The following PIK3CB variants were observed in gnomAD, a reference collection of about 807,000 sequenced individuals.
The protein encoded by PIK3CB is phosphatidylinositol-4,5-bisphosphate 3-kinase catalytic subunit beta.
PIK3CB carries 39 observed loss-of-function variants against 136.8 expected under a neutral mutation model. The observed-to-expected ratio is 0.29, with a 90% confidence interval of 0.22 to 0.37. PIK3CB has a LOEUF of 0.37. Ranked by LOEUF, PIK3CB falls within the 10% of genes least tolerant of loss-of-function variation. The pLI, the probability that PIK3CB is intolerant of heterozygous loss-of-function variation, is 1.00. For missense variants in PIK3CB, 868 were observed against 1,275.4 expected (o/e 0.68, Z 4.87); for synonymous variants, 428 against 436.6 (o/e 0.98, Z 0.25).
At chr3:138,833,015 AAAC>A (rs1163407996) in intron 1 of PIK3CB, among the ~76,000 whole-genome samples, 4 of 151,790 alleles carry the variant, frequency 2.6e-5, no homozygotes, top group Middle Eastern at 3.4e-3. Context: ...CTGCCTCAAA[AAAC>A]AACAATAATT....
chr3:138,669,616 T>A, intron 19 of PIK3CB, among the ~76,000 whole-genome samples: 1 of 152,146 alleles, frequency 6.6e-6, no homozygotes, highest in Non-Finnish European at 1.5e-5. Context: ...GCTTATTACT[T>A]CTTCACCAAA....
At chr3:138,814,248 C>T (rs143501054) in intron 1 of PIK3CB, among the ~76,000 whole-genome samples, 73 of 152,070 alleles carry the variant, frequency 4.8e-4, no homozygotes, top group African/African-American at 1.5e-3. Flanking sequence ...GAGGCCCAGG[C>T]GGGAGGATCA....
intron 8 of PIK3CB, among the ~76,000 whole-genome samples, chr3:138,719,343 T>A (rs145514083): frequency 7.0e-6 from 1 of 143,396 alleles, no homozygotes; most frequent in East Asian, 2.2e-4. Flanking sequence ...TCTCCCGGGT[T>A]CAAGTGATCC....
At chr3:138,736,242 C>G (rs2045100606) in intron 6 of PIK3CB, among the ~76,000 whole-genome samples, 2 of 152,100 alleles carry the variant, frequency 1.3e-5, no homozygotes, top group Non-Finnish European at 2.9e-5. Context: ...TATCAGAATA[C>G]CACAACTCCC....
chr3:138,743,901 A>G (rs756324241), intron 4 of PIK3CB, among the ~76,000 whole-genome samples: 6 of 152,176 alleles, frequency 3.9e-5, no homozygotes, highest in Non-Finnish European at 8.8e-5. Flanking sequence ...AACTACTAAT[A>G]GCCTACTTAT....
chr3:138,697,535 G>A (rs1577087154), intron 13 of PIK3CB, among the ~76,000 whole-genome samples: 2 of 152,002 alleles, frequency 1.3e-5, no homozygotes, highest in East Asian at 1.9e-4. Context: ...TCCCGGGCTC[G>A]AATGATCCTC....
chr3:138,732,159 C>T (rs2044990575), intron 8 of PIK3CB, among the ~76,000 whole-genome samples: 1 of 152,134 alleles, frequency 6.6e-6, no homozygotes, highest in African/African-American at 2.4e-5. Context: ...TCCATTACCA[C>T]ACACACTTTT....
intron 6 of PIK3CB, among the ~76,000 whole-genome samples, chr3:138,737,394 CAAAAAAAAAAAA>C (rs11344311): frequency 2.8e-3 from 108 of 39,072 alleles, no homozygotes; most frequent in African/African-American, 0.011. Flanking sequence ...CACTCTGTCT[CAAAAAAAAAAAA>C]AAAAAAAAAA....
rs1224355299 is a variant in PIK3CB, at chr3:138,656,145, A to C, written c.3072T>G (p.Leu1024=). 2.5e-6 allele frequency: 4 copies of C among 1,614,132 alleles called. No individual in the cohort carries two copies. The highest frequency in any genetic ancestry group is 3.4e-6 in the Non-Finnish European group (4 of 1,179,988). Residue 1024 remains leucine (L), a synonymous_variant, in exon 23 of 24, where the codon CTT becomes CTG. Transcript: ENST00000674063. ...AGAAGGAAAAGTGGTTTTATACCTT[A>C]AGATACTGTATATCTTTGACTGATG... is the stretch of plus-strand genomic sequence containing the variant. The part of the protein sequence containing the change: ...ELTSVKDIQY[L]KDSLALGKSE...
chr3:138,661,121 C>T (rs112602733), intron 21 of PIK3CB, among the ~76,000 whole-genome samples: 7 of 152,332 alleles, frequency 4.6e-5, no homozygotes, highest in African/African-American at 1.4e-4. Flanking sequence ...CCATTTACTA[C>T]GCCGACTTTC....
rs568122058 is a variant in PIK3CB at position 138,659,579 on chromosome 3, A to G, written c.2797-1744T>C. ...TTAGAAATCATTTTCCCTCAAAATT[A>G]TGAAGGCTAACGTGCACTGTCTTAT... is the stretch of plus-strand genomic sequence containing the variant. On this transcript the variant is annotated intron_variant, in intron 21 of 23. Coordinates refer to ENST00000674063, the MANE Select transcript of PIK3CB (RefSeq NM_006219.3). Among the ~76,000 whole-genome samples the G allele has an allele frequency of 1.1e-4, 17 of 152,146 alleles. No homozygotes were observed. The South Asian group carries it at 3.1e-3, about 28-fold the overall frequency.
At position 138,737,843 on chromosome 3, in the gene PIK3CB, T is replaced by A; in HGVS notation, c.665A>T (p.Lys222Ile). 6.2e-7 allele frequency: 1 copy of A among 1,608,810 alleles called. No individual in the cohort carries two copies. The highest frequency in any genetic ancestry group is 8.5e-7 in the Non-Finnish European group (1 of 1,177,148). The change falls in exon 6 of 24, where the codon AAA becomes ATA. Residue 222 changes from lysine (K) to isoleucine (I), a missense_variant. Transcript: ENST00000674063. ...FQVSPNMNPI[K>I]VNELAIQKRL... ...TTTTTGGATTGCCAATTCATTTACT[T>A]TGATAGGATTCATATTAGGAGACAC... is the stretch of plus-strand genomic sequence containing the variant.
chr3:138,707,430 T>A, intron 10 of PIK3CB, 141 bp from the exon 11 acceptor site: 1 of 1,369,010 alleles, frequency 7.3e-7, no homozygotes, highest in Non-Finnish European at 9.4e-7. Flanking sequence ...CTATCAGTAA[T>A]CCTCTAATTT....
At chr3:138,805,329 T>C (rs1031311997) in intron 1 of PIK3CB, among the ~76,000 whole-genome samples, 1 of 150,510 alleles carries the variant, frequency 6.6e-6, no homozygotes, top group Admixed American at 6.7e-5. Flanking sequence ...CGAGACTCCA[T>C]CTCAAAAACA....
intron 20 of PIK3CB, among the ~76,000 whole-genome samples, chr3:138,664,393 C>A (rs1173081719): frequency 6.6e-6 from 1 of 152,148 alleles, no homozygotes; most frequent in Non-Finnish European, 1.5e-5. Flanking sequence ...AGACTGACTA[C>A]AATTTCATGT....
At chr3:138,782,406 A>T (rs2045932386) in intron 2 of PIK3CB, among the ~76,000 whole-genome samples, 1 of 152,252 alleles carries the variant, frequency 6.6e-6, no homozygotes, top group African/African-American at 2.4e-5. Flanking sequence ...TTTAAATTTA[A>T]TCACTAAGGA....
chr3:138,761,883 T>C (rs2045667498), intron 2 of PIK3CB, among the ~76,000 whole-genome samples: 1 of 151,654 alleles, frequency 6.6e-6, no homozygotes, highest in Non-Finnish European at 1.5e-5. Flanking sequence ...GAGGTTGCAG[T>C]TAGCTGAGAT....
chr3:138,684,902 A>G (rs570562439), intron 16 of PIK3CB, 99 bp from the exon 17 acceptor site: 6 of 757,702 alleles, frequency 7.9e-6, no homozygotes, highest in African/African-American at 5.3e-5. Context: ...CAACATATAC[A>G]CATAACCATA....
chr3:138,757,746 G>A (rs184876133), intron 3 of PIK3CB, among the ~76,000 whole-genome samples: 4 of 151,576 alleles, frequency 2.6e-5, no homozygotes, highest in Admixed American at 6.6e-5. Flanking sequence ...GGGAGGGAGC[G>A]AGGAGAAAAT....
Sources: allele counts gnomAD v4.1 joint callset (sites outside exome capture counted in the v4.1 genomes callset), GRCh38; gene constraint gnomAD v4.1.1; transcripts MANE v1.5; gene names NCBI Gene and HGNC (gene_info 2026-07-23, HGNC 2026-07-21).